Variants in MSH5 observed in about 807,000 individuals in gnomAD.
The protein encoded by MSH5 is mutS homolog 5, also known as mutS protein homolog 5.
MSH5 carries 78 observed loss-of-function variants against 107.7 expected under a neutral mutation model. That is an observed-to-expected ratio of 0.72 (90% CI 0.60 to 0.87). MSH5 has a LOEUF of 0.87. Among genes scored for constraint, MSH5 ranks in the 40% least tolerant of loss-of-function variants. MSH5 has a pLI of 0.00. For missense variants in MSH5, 889 were observed against 1,046.6 expected, an observed-to-expected ratio of 0.85 and a Z score of 2.08; for synonymous variants, 326 against 399.5, an observed-to-expected ratio of 0.82 and a Z score of 2.19.
intron 10 of MSH5, among the ~76,000 whole-genome samples, chr6:31,748,534 A>T (rs574546522): frequency 9.9e-5 from 15 of 151,530 alleles, no homozygotes; most frequent in Non-Finnish European, 1.6e-4. Flanking sequence ...TTTTCAGTAG[A>T]GGCGGGGTTT....
intron 7 of MSH5, 89 bp downstream of exon 7, chr6:31,744,388 G>A (rs527918288): frequency 6.3e-7 from 1 of 1,575,924 alleles, no homozygotes; most frequent in Non-Finnish European, 8.7e-7. Flanking sequence ...ATGTGGCTGT[G>A]ACCCAGTGGG....
At position 31,761,517 on chromosome 6, in the gene MSH5, G is replaced by A; in HGVS notation, c.2083G>A (p.Ala695Thr). ...LLAAVLRHWL[A>T]RGPTCPHIFV... Reference sequence around the variant, plus strand: ...GGCCGCTGTGCTCCGACACTGGCTGGCACGTGGACCCACATGCCCCCACAT... The same window carrying A: ...GGCCGCTGTGCTCCGACACTGGCTGACACGTGGACCCACATGCCCCCACAT... Residue 695 changes from alanine (A) to threonine (T), a missense_variant, in exon 22 of 25, where the codon GCA (alanine) becomes ACA (threonine). Around this residue, in one of 3 missense-constraint regions of MSH5, gnomAD observed 362 missense variants for 456.2 expected, o/e 0.79. Transcript: ENST00000375750. This position sits in a 1 kb window ranked among gnomAD's most constrained non-coding sequence, Gnocchi z 5.3. The A allele has an allele frequency of 6.2e-7, 1 of 1,613,752 alleles. No homozygotes were observed. Among genetic ancestry groups the A allele is most frequent in the Non-Finnish European group, 8.5e-7 (1 of 1,180,052 alleles).
At chr6:31,742,825 T>A in intron 3 of MSH5, 52 bp from the exon 4 acceptor site, 1 of 1,575,054 alleles carries the variant, frequency 6.3e-7, no homozygotes, top group Non-Finnish European at 8.7e-7. Flanking sequence ...GGTTTTCTCT[T>A]AGTCAAAGAC....
Position 31,759,803 on chromosome 6 carries a change from A to T in MSH5, c.1513A>T (p.Met505Leu). Residue 505 changes from methionine (M) to leucine (L), a missense_variant, in exon 18 of 25, where the codon ATG (methionine) becomes TTG (leucine). Physicochemically the swap from Met to Leu is conservative, Grantham distance 15. Around this residue, in one of 3 missense-constraint regions of MSH5, gnomAD observed 362 missense variants for 456.2 expected, o/e 0.79. Coordinates refer to ENST00000375750, the MANE Select transcript of MSH5 (RefSeq NM_172166.4). The surrounding 1 kb of genome is among the most constrained non-coding windows in gnomAD (Gnocchi z 4.7). ...CEIRDQETLLMYQLQCQVLAR... is the reference protein window; with the variant it reads ...CEIRDQETLLLYQLQCQVLAR... ...ACTCCCAGACCAGGAGACGCTGCTG[A>T]TGTACCAGCTACAGTGCCAGGTGCT... 6.2e-7 allele frequency: 1 copy of T among 1,613,372 alleles called. No individual in the cohort carries two copies. Among genetic ancestry groups the T allele is most frequent in the Non-Finnish European group, 8.5e-7 (1 of 1,180,016 alleles).
chr6:31,758,202 G>A lies in MSH5; in HGVS notation c.1052G>A (p.Arg351His), dbSNP rs1226966371. 12 of 1,612,990 alleles carry A rather than the reference G, an allele frequency of 7.4e-6. No homozygotes were observed. Among genetic ancestry groups the A allele is most frequent in the Admixed American group, 1.7e-5 (1 of 60,016 alleles). Residue 351 changes from arginine (R) to histidine (H), a missense_variant, in exon 13 of 25, where the codon CGC becomes CAC. By Grantham distance (29) the Arg-to-His change is conservative (BLOSUM62 0). Transcript: ENST00000375750. This position sits in a 1 kb window ranked among gnomAD's most constrained non-coding sequence, Gnocchi z 5.1. ...GCCCTGGGCCTGAGGGATGCCTGCCGCTCCCTGCCGCAGTCCATCCAGCTC... is the reference window on the plus strand; with the variant it reads ...GCCCTGGGCCTGAGGGATGCCTGCCACTCCCTGCCGCAGTCCATCCAGCTC... Reference protein sequence around the residue: ...YSALGLRDACRSLPQSIQLFR... With the variant: ...YSALGLRDACHSLPQSIQLFR...
In MSH5 at chr6:31,741,160, C is replaced by T. The variant is rs773131718; in HGVS notation, c.148-3C>T. ...GTGATTTCCTTTCTTCCTTGCTGGA[C>T]AGATCCATCTGTGTGTGCTGTGGAA... is the stretch of plus-strand genomic sequence containing the variant. On this transcript the variant is annotated splice_polypyrimidine_tract_variant and splice_region_variant and intron_variant, in intron 2 of 24. Transcript: ENST00000375750. 1 of 1,612,882 alleles carries T rather than the reference C, an allele frequency of 6.2e-7. No individual in the cohort carries two copies. The highest frequency in any genetic ancestry group is 1.7e-5 in the Admixed American group (1 of 59,984).
At chr6:31,754,780 T>G (rs1468396330) in intron 12 of MSH5, among the ~76,000 whole-genome samples, 1 of 145,314 alleles carries the variant, frequency 6.9e-6, no homozygotes, top group Non-Finnish European at 1.5e-5. Flanking sequence ...TGAGATGGAG[T>G]CTCACTCTGT....
intron 7 of MSH5, 27 bp from the exon 8 acceptor site, chr6:31,744,519 T>A: frequency 1.2e-6 from 2 of 1,613,490 alleles, no homozygotes; most frequent in Non-Finnish European, 1.7e-6. Flanking sequence ...TCAGACTGCT[T>A]CCTGCTTTTT....
chr6:31,761,750 G>C lies in MSH5; in HGVS notation c.2182-68G>C. ...CCTTCCCTTTTCTCCCTCCCCACAGGATTGGCCAAGGGTTTCAGGACAGGA... is the reference window on the plus strand; with the variant it reads ...CCTTCCCTTTTCTCCCTCCCCACAGCATTGGCCAAGGGTTTCAGGACAGGA... On this transcript the variant is annotated intron_variant, in intron 22 of 24. Coordinates refer to ENST00000375750, the MANE Select transcript of MSH5 (RefSeq NM_172166.4). The surrounding 1 kb of genome is among the most constrained non-coding windows in gnomAD (Gnocchi z 5.3). The C allele has an allele frequency of 6.2e-7, 1 of 1,612,840 alleles. No individual in the cohort carries two copies. Among genetic ancestry groups the C allele is most frequent in the Non-Finnish European group, 8.5e-7 (1 of 1,179,748 alleles).
At chr6:31,748,108 C>G (rs1461918863) in intron 10 of MSH5, among the ~76,000 whole-genome samples, 2 of 152,040 alleles carry the variant, frequency 1.3e-5, no homozygotes, top group Non-Finnish European at 2.9e-5. Flanking sequence ...AAATTTGTGT[C>G]TCTAGTTTTG....
At chr6:31,751,902 C>T (rs1343357988) in intron 10 of MSH5, among the ~76,000 whole-genome samples, 1 of 151,642 alleles carries the variant, frequency 6.6e-6, no homozygotes. Flanking sequence ...ATTTTGAGAC[C>T]AGCCTGGCCA....
In MSH5 at chr6:31,760,579, C is replaced by A; in HGVS notation, c.1813-111C>A. 7.2e-7 allele frequency: 1 copy of A among 1,386,970 alleles called. No individual in the cohort carries two copies. The highest frequency in any genetic ancestry group is 1.0e-6 in the Non-Finnish European group (1 of 981,194). The allele number at this position is 1,386,970 out of a possible 1,614,324, so 85.9% of individuals were successfully genotyped here. On this transcript the variant is annotated intron_variant, in intron 19 of 24. Transcript: ENST00000375750. This position sits in a 1 kb window ranked among gnomAD's most constrained non-coding sequence, Gnocchi z 5.6. ...GAGTCAGTGTGTCTGTTACCTATTT[C>A]TCCTGTTTCACCCTGTCCATTTCTC...
chr6:31,744,710 G>A (rs1809251052), intron 8 of MSH5, 129 bp downstream of exon 8: 6 of 993,336 alleles, frequency 6.0e-6, no homozygotes, highest in Non-Finnish European at 9.3e-6. Flanking sequence ...TTGAAGGAAA[G>A]GGAAGGGGGG....
chr6:31,743,577 A>G (rs1809116074), intron 5 of MSH5: 1 of 452,662 alleles, frequency 2.2e-6, no homozygotes, highest in African/African-American at 2.0e-5. Context: ...TACTATCCTA[A>G]TTAGATATTA....
chr6:31,751,893 T>C (rs1428169031), intron 10 of MSH5, among the ~76,000 whole-genome samples: 4 of 151,106 alleles, frequency 2.6e-5, no homozygotes, highest in Non-Finnish European at 5.9e-5. Flanking sequence ...GAGGTCACGA[T>C]TTTGAGACCA....
In MSH5 at chr6:31,761,580, C is replaced by T; in HGVS notation, c.2146C>T (p.Gln716Ter). 1.2e-6 allele frequency: 2 copies of T among 1,614,054 alleles called. No individual in the cohort carries two copies. The highest frequency in any genetic ancestry group is 1.7e-5 in the Admixed American group (1 of 60,032). The change falls in exon 22 of 25, where the codon CAA becomes TAA. Residue 716 changes from glutamine to a stop codon, truncating the protein, a stop_gained. Transcript: ENST00000375750. LOFTEE classifies it high-confidence loss of function. This position sits in a 1 kb window ranked among gnomAD's most constrained non-coding sequence, Gnocchi z 5.3. Reference protein sequence around the residue: ...ATNFLSLVQLQLLPQGPLVQY... With the variant: ...ATNFLSLVQL ...CAACTTTCTGAGCCTTGTTCAGCTA[C>T]AACTGCTGCCACAAGGGCCCCTGGT...
At chr6:31,744,477 G>T in intron 7 of MSH5, 69 bp from the exon 8 acceptor site, 1 of 1,579,974 alleles carries the variant, frequency 6.3e-7, no homozygotes, top group Non-Finnish European at 8.7e-7. Context: ...ATTCAGAGAG[G>T]GGGACAAAGG....
intron 12 of MSH5, 103 bp downstream of exon 12, chr6:31,753,732 T>G: frequency 3.3e-6 from 3 of 914,628 alleles, no homozygotes; most frequent in Non-Finnish European, 3.3e-6. Context: ...TATTCTACCC[T>G]CTTTTTTTTT....
At position 31,759,230 on chromosome 6, in the gene MSH5, T is replaced by C; in HGVS notation, c.1407+53T>C. The C allele has an allele frequency of 6.5e-7, 1 of 1,532,736 alleles. No individual in the cohort carries two copies. The allele number at this position is 1,532,736 out of a possible 1,614,324, so 94.9% of individuals were successfully genotyped here. A position where few individuals can be genotyped will look rare whatever the true frequency, so the allele number is the denominator to read the frequency against. ...GTGATGAGGAAAATGAGTCAGCAGCTGAGGAAGAGCGTTACTCTACAGCAG... is the reference window on the plus strand; with the variant it reads ...GTGATGAGGAAAATGAGTCAGCAGCCGAGGAAGAGCGTTACTCTACAGCAG... On this transcript the variant is annotated intron_variant, in intron 16 of 24. Transcript: ENST00000375750. This position sits in a 1 kb window ranked among gnomAD's most constrained non-coding sequence, Gnocchi z 4.7.
Sources: allele counts gnomAD v4.1 joint callset (sites outside exome capture counted in the v4.1 genomes callset), GRCh38; gene constraint gnomAD v4.1.1; regional missense constraint gnomAD v4.1.1; non-coding constraint Gnocchi (gnomAD v3.1); transcripts MANE v1.5; gene names NCBI Gene and HGNC (gene_info 2026-07-23, HGNC 2026-07-21).